Variants in PTPRD observed in about 807,000 individuals in gnomAD.
The protein encoded by PTPRD is receptor-type tyrosine-protein phosphatase delta.
A neutral mutation model predicts 214.5 loss-of-function variants in PTPRD; 34 were observed. That is an observed-to-expected ratio of 0.16 (90% confidence interval 0.12 to 0.21). The LOEUF (loss-of-function observed/expected upper bound fraction) is 0.21, where lower values mean the gene tolerates loss of function less well. Ranked by LOEUF, PTPRD falls within the 10% of genes least tolerant of loss-of-function variation. The pLI is 1.00. For synonymous variants in PTPRD, 1,128 were observed against 845.7 expected (o/e 1.33, Z -5.79); for missense variants, 2,545 against 2,398.7 (o/e 1.06, Z -1.27).
chr9:8,681,312 C>T (rs865860221), intron 12 of PTPRD, among the ~76,000 whole-genome samples: 3 of 151,728 alleles, frequency 2.0e-5, no homozygotes, highest in Non-Finnish European at 4.4e-5. Flanking sequence ...AACATGCTTA[C>T]TAATGCAAAT....
intron 8 of PTPRD, among the ~76,000 whole-genome samples, chr9:9,494,726 G>C (rs2096090771): frequency 6.6e-6 from 1 of 152,152 alleles, no homozygotes; most frequent in Non-Finnish European, 1.5e-5. Context: ...ATGTTAAAAT[G>C]TCGATATGAC....
At chr9:9,176,904 C>T (rs1053580497) in intron 10 of PTPRD, among the ~76,000 whole-genome samples, 1 of 152,064 alleles carries the variant, frequency 6.6e-6, no homozygotes, top group Non-Finnish European at 1.5e-5. Context: ...CAGATAAAGA[C>T]ATTAATGGAA....
At chr9:9,275,150 ATATT>A (rs1569566743) in intron 9 of PTPRD, among the ~76,000 whole-genome samples, 2 of 64,820 alleles carry the variant, frequency 3.1e-5, no homozygotes, top group African/African-American at 1.6e-4. Flanking sequence ...TATATATAAT[ATATT>A]ATATATATAA....
At chr9:9,747,279 G>T (rs1287603993) in intron 6 of PTPRD, among the ~76,000 whole-genome samples, 1 of 152,064 alleles carries the variant, frequency 6.6e-6, no homozygotes, top group Admixed American at 6.6e-5. Context: ...TTTCCGATAT[G>T]AAATAAATAT....
chr9:9,885,895 C>T (rs1223261680), intron 5 of PTPRD, among the ~76,000 whole-genome samples: 1 of 151,386 alleles, frequency 6.6e-6, no homozygotes, highest in Non-Finnish European at 1.5e-5. Context: ...AAGAGAAGGG[C>T]CTATCTGCCT....
intron 9 of PTPRD, among the ~76,000 whole-genome samples, chr9:9,314,406 G>C (rs575018108): frequency 3.9e-5 from 6 of 152,094 alleles, no homozygotes; most frequent in Non-Finnish European, 7.4e-5. Context: ...CACATGGGTG[G>C]AATTTAAATG....
At chr9:9,639,932 T>A (rs1213018249) in intron 7 of PTPRD, among the ~76,000 whole-genome samples, 1 of 152,204 alleles carries the variant, frequency 6.6e-6, no homozygotes, top group Non-Finnish European at 1.5e-5. Flanking sequence ...AATACAGGCT[T>A]TGTTCTGTAG....
Position 9,845,760 on chromosome 9 carries a change from A to G in PTPRD, c.-367-78909T>C, listed in dbSNP as rs148767343. Among the ~76,000 whole-genome samples the G allele has an allele frequency of 3.0e-4, 45 of 152,204 alleles. No homozygotes were observed. In the East Asian group the frequency reaches 8.1e-3, roughly 28 times the overall value. ...AGAGAAAATCTAAAATGCTAAGCACAGACAAGACAAAGTAAATCATAATGT... is the reference window on the plus strand; with the variant it reads ...AGAGAAAATCTAAAATGCTAAGCACGGACAAGACAAAGTAAATCATAATGT... On this transcript the variant is annotated intron_variant, in intron 5 of 45. Coordinates refer to ENST00000381196, the MANE Select transcript of PTPRD (RefSeq NM_002839.4).
In PTPRD at chr9:8,996,109, C is replaced by A. The variant is rs537509282; in HGVS notation, c.-104+22588G>T. Among the ~76,000 whole-genome samples, 18 of 152,070 alleles carry A rather than the reference C, an allele frequency of 1.2e-4. No homozygotes were observed. In the South Asian group the frequency reaches 3.5e-3, roughly 30 times the overall value. On this transcript the variant is annotated intron_variant, in intron 11 of 45. Transcript: ENST00000381196. ...CTTAAAAATGCCACTCCCAAAACTC[C>A]AAGGTATTTACCCAGGAAAGAAGAA...
At chr9:9,407,537 A>C (rs2073942130) in intron 8 of PTPRD, among the ~76,000 whole-genome samples, 1 of 151,814 alleles carries the variant, frequency 6.6e-6, no homozygotes, top group Non-Finnish European at 1.5e-5. Flanking sequence ...TTTTTGTCCT[A>C]TCCTAAATTT....
chr9:9,772,190 TACACAGAAGACAGACCACATGAAGAC>T (rs2098757380), intron 5 of PTPRD, among the ~76,000 whole-genome samples: 1 of 152,032 alleles, frequency 6.6e-6, no homozygotes, highest in Non-Finnish European at 1.5e-5. Flanking sequence ...CAGCGAGAGA[TACACAGAAGACAGACCACATGAAGAC>T]ACAGAGAAGA....
intron 10 of PTPRD, among the ~76,000 whole-genome samples, chr9:9,163,631 C>T (rs1472845361): frequency 2.0e-5 from 3 of 151,998 alleles, no homozygotes; most frequent in Non-Finnish European, 4.4e-5. Context: ...TATGAGAATA[C>T]AGTTATGATA....
Position 8,607,340 on chromosome 9 carries a change from A to C in PTPRD, c.352+25977T>G, listed in dbSNP as rs542632552. 1.5e-4 allele frequency among the ~76,000 whole-genome samples: 23 copies of C among 152,300 alleles called. No homozygotes were observed. The South Asian group carries it at 3.1e-3, about 21-fold the overall frequency. ...AAGCATATAAACAGCAAATTAAAAA[A>C]TTCATAAAATAAGTAGGAATAGGGC... On this transcript the variant is annotated intron_variant, in intron 14 of 45. Transcript: ENST00000381196.
chr9:9,398,731 GT>G (rs1005227840), intron 8 of PTPRD, among the ~76,000 whole-genome samples: 29 of 151,920 alleles, frequency 1.9e-4, no homozygotes, highest in South Asian at 8.3e-4. Flanking sequence ...TAAAAAACAT[GT>G]TTTTTCCCCC....
At chr9:9,117,369 C>A (rs1056315380) in intron 10 of PTPRD, among the ~76,000 whole-genome samples, 1 of 151,972 alleles carries the variant, frequency 6.6e-6, no homozygotes, top group Non-Finnish European at 1.5e-5. Flanking sequence ...ACTAACCTAC[C>A]ATTTTAATAA....
At chr9:9,119,132 G>A (rs915063837) in intron 10 of PTPRD, among the ~76,000 whole-genome samples, 1 of 152,118 alleles carries the variant, frequency 6.6e-6, no homozygotes, top group African/African-American at 2.4e-5. Flanking sequence ...TGTCCTGCTG[G>A]GTTCTCTGCA....
At chr9:10,251,288 T>C (rs2092736127) in intron 3 of PTPRD, among the ~76,000 whole-genome samples, 1 of 152,152 alleles carries the variant, frequency 6.6e-6, no homozygotes, top group African/African-American at 2.4e-5. Context: ...ACTATCACTA[T>C]TCAAATTTTT....
At chr9:9,100,698 T>C (rs1471451507) in intron 10 of PTPRD, among the ~76,000 whole-genome samples, 1 of 152,180 alleles carries the variant, frequency 6.6e-6, no homozygotes, top group South Asian at 2.1e-4. Flanking sequence ...CCGAAGGGAA[T>C]GTTCCTGTCT....
intron 7 of PTPRD, among the ~76,000 whole-genome samples, chr9:9,703,842 T>C (rs1022980898): frequency 6.6e-6 from 1 of 152,192 alleles, no homozygotes; most frequent in South Asian, 2.1e-4. Context: ...TGAGAACATA[T>C]AGAATGCAAT....
Sources: gnomAD v4.1 joint callset for allele counts (sites outside exome capture counted in the v4.1 genomes callset) on GRCh38, gnomAD v4.1.1 for gene constraint, MANE v1.5 for transcripts, NCBI Gene and HGNC (gene_info 2026-07-23, HGNC 2026-07-21) for gene names.